The following TULP3 variants were observed in gnomAD, a reference collection of about 807,000 sequenced individuals.
TULP3 encodes the protein tubby-related protein 3.
A neutral mutation model predicts 50.7 loss-of-function variants in TULP3; 38 were observed. That is an observed-to-expected ratio of 0.75 (90% CI 0.58 to 0.98). The LOEUF is 0.98. TULP3 is among the 50% of genes least tolerant of loss of function. The probability of loss-of-function intolerance (pLI) is 0.00; values close to 1 mark genes in which losing one functional copy is unlikely to be tolerated. For synonymous variants in TULP3, 183 were observed against 196.6 expected (o/e 0.93, Z 0.58); for missense variants, 550 against 568.0 (o/e 0.97, Z 0.32).
At position 2,940,828 on chromosome 12, in the gene TULP3, C is replaced by A; in HGVS notation, c.*1384C>A. The A allele has an allele frequency of 9.5e-7, 1 of 1,051,230 alleles. No homozygotes were observed. Among genetic ancestry groups the A allele is most frequent in the Non-Finnish European group, 1.4e-6 (1 of 733,756 alleles). 65.1% of individuals were successfully genotyped at this position (1,051,230 alleles called of 1,614,324 possible). A position where few individuals can be genotyped will look rare whatever the true frequency, so the allele number is the denominator to read the frequency against. On this transcript the variant is annotated 3_prime_UTR_variant, in exon 11 of 11. Coordinates refer to ENST00000448120, the MANE Select transcript of TULP3 (RefSeq NM_003324.5). ...ACTGTTTCCATCTCAGGCATGTATC[C>A]CACCAAGTGCCTCCCTCACAGCCAT...
intron 2 of TULP3, among the ~76,000 whole-genome samples, chr12:2,915,862 G>A (rs2098188347): frequency 6.6e-6 from 1 of 151,780 alleles, no homozygotes; most frequent in South Asian, 2.1e-4. Context: ...TAAACAAACT[G>A]ATAGACTGCA....
chr12:2,937,228 T>A, intron 8 of TULP3, among the ~76,000 whole-genome samples: 1 of 127,238 alleles, frequency 7.9e-6, no homozygotes, highest in African/African-American at 3.3e-5. Flanking sequence ...TTTTTTTTTT[T>A]TTTCTGAGGC....
At chr12:2,926,445 A>G (rs921145756) in intron 4 of TULP3, among the ~76,000 whole-genome samples, 2 of 152,244 alleles carry the variant, frequency 1.3e-5, no homozygotes, top group Non-Finnish European at 2.9e-5. Flanking sequence ...TGATTTGGCC[A>G]CTGCACTCCC....
At chr12:2,929,054 C>CT (rs34681559) in intron 4 of TULP3, among the ~76,000 whole-genome samples, 65 of 148,600 alleles carry the variant, frequency 4.4e-4, no homozygotes, top group Admixed American at 6.0e-4. Flanking sequence ...AAAAAGTACA[C>CT]TTTTTTTTTT....
At chr12:2,917,340 G>A (rs751257200) in intron 2 of TULP3, among the ~76,000 whole-genome samples, 1 of 151,954 alleles carries the variant, frequency 6.6e-6, no homozygotes, top group Non-Finnish European at 1.5e-5. Flanking sequence ...GGCATGGTGG[G>A]GTGCACCTGT....
At chr12:2,899,710 A>C (rs562634695) in intron 1 of TULP3, among the ~76,000 whole-genome samples, 2 of 151,834 alleles carry the variant, frequency 1.3e-5, no homozygotes, top group African/African-American at 4.8e-5. Flanking sequence ...TGGCTAACAC[A>C]GTGAAACCCT....
At chr12:2,913,201 T>TTGTGTGTGTGTGTGTGTGTG (rs138018559) in intron 2 of TULP3, among the ~76,000 whole-genome samples, 1 of 146,486 alleles carries the variant, frequency 6.8e-6, no homozygotes, top group African/African-American at 2.5e-5. Flanking sequence ...TATGTTGAGT[T>TTGTGTGTGTGTGTGTGTGTG]TGTGTGTGTG....
chr12:2,914,125 C>CTTTTT lies in TULP3; in HGVS notation c.93+4557_93+4561dup, dbSNP rs71057862. Among the ~76,000 whole-genome samples, 170 of 130,656 alleles carry CTTTTT rather than the reference C, an allele frequency of 1.3e-3. 4 individuals are homozygous for CTTTTT. Among genetic ancestry groups the CTTTTT allele is most frequent in the African/African-American group, 4.4e-3 (149 of 34,016 alleles). 85.7% of individuals were successfully genotyped at this position (130,656 alleles called of 152,430 possible). ...ATTTTGAAATATACAATAAATAATT[C>CTTTTT]TTTTTTTTTTTTTTTTGAGACGGAG... On this transcript the variant is annotated intron_variant, in intron 2 of 10. Coordinates refer to ENST00000448120, the MANE Select transcript of TULP3 (RefSeq NM_003324.5).
intron 2 of TULP3, 136 bp from the exon 3 acceptor site, chr12:2,920,627 T>C: frequency 9.4e-7 from 1 of 1,064,952 alleles, no homozygotes. Context: ...GCCTCAGTTT[T>C]CCCATTTCTT....
intron 2 of TULP3, among the ~76,000 whole-genome samples, chr12:2,910,633 TGGATTCAATA>T (rs998420478): frequency 2.6e-5 from 4 of 152,214 alleles, no homozygotes; most frequent in African/African-American, 9.6e-5. Context: ...TCAAGATGTC[TGGATTCAATA>T]GGTGACTAAA....
intron 7 of TULP3, among the ~76,000 whole-genome samples, chr12:2,933,857 C>T (rs2098199629): frequency 1.3e-5 from 2 of 151,808 alleles, no homozygotes; most frequent in East Asian, 1.9e-4. Flanking sequence ...GGCTGAAGCA[C>T]GAGAATTGCT....
In TULP3 at chr12:2,940,513, C is replaced by A. The variant is rs1301917339; in HGVS notation, c.*1069C>A. The A allele has an allele frequency of 1.9e-6, 3 of 1,538,952 alleles. No individual in the cohort carries two copies. The highest frequency in any genetic ancestry group is 2.6e-6 in the Non-Finnish European group (3 of 1,140,378). On this transcript the variant is annotated 3_prime_UTR_variant, in exon 11 of 11. Transcript: ENST00000448120. ...TCCACGTATTATGTGACTCTTACACCAGTTCACCCTTCCCAGAATGTATCC... is the reference window on the plus strand; with the variant it reads ...TCCACGTATTATGTGACTCTTACACAAGTTCACCCTTCCCAGAATGTATCC...
intron 2 of TULP3, among the ~76,000 whole-genome samples, chr12:2,920,012 A>G (rs1352487871): frequency 1.3e-5 from 2 of 151,228 alleles, no homozygotes; most frequent in African/African-American, 4.9e-5. Flanking sequence ...TTTTTCTTCC[A>G]TTTACAAAAG....
In TULP3 at chr12:2,905,160, T is replaced by C. The variant is rs1048382680; in HGVS notation, c.42-4369T>C. On this transcript the variant is annotated intron_variant, in intron 1 of 10. Transcript: ENST00000448120. ...TTCCAGATTAGACTAGAAATTTTAG[T>C]TCAGATTGAATATGTCTATAAAATA... Among the ~76,000 whole-genome samples, 24 of 151,248 alleles carry C rather than the reference T, an allele frequency of 1.6e-4. 1 individual carries two copies. Among genetic ancestry groups the C allele is most frequent in the Admixed American group, 1.3e-3 (19 of 15,090 alleles).
intron 4 of TULP3, among the ~76,000 whole-genome samples, 199 bp from the exon 5 acceptor site, chr12:2,930,049 C>T (rs1473984577): frequency 6.6e-6 from 1 of 152,176 alleles, no homozygotes; most frequent in Non-Finnish European, 1.5e-5. Flanking sequence ...CTCATTCTCC[C>T]CTGCCCCCAG....
At position 2,930,351 on chromosome 12, in the gene TULP3, T is replaced by C; in HGVS notation, c.492+6T>C. Reference sequence around the variant, plus strand: ...CATCAAGCCAGAATTCAACCGTATGTAGTTCTGAAACTTCTTCCATTAGAG... The same window carrying C: ...CATCAAGCCAGAATTCAACCGTATGCAGTTCTGAAACTTCTTCCATTAGAG... On this transcript the variant is annotated splice_donor_region_variant and intron_variant, in intron 5 of 10. Transcript: ENST00000448120. 1 of 1,598,360 alleles carries C rather than the reference T, an allele frequency of 6.3e-7. No homozygotes were observed. The highest frequency in any genetic ancestry group is 1.1e-5 in the South Asian group (1 of 89,410).
At chr12:2,916,804 C>G (rs2098188933) in intron 2 of TULP3, among the ~76,000 whole-genome samples, 1 of 152,182 alleles carries the variant, frequency 6.6e-6, no homozygotes, top group Admixed American at 6.5e-5. Flanking sequence ...TGGTATTTTT[C>G]TTATTTGTAA....
At chr12:2,894,538 AACACAC>A (rs56834874) in intron 1 of TULP3, among the ~76,000 whole-genome samples, 191 of 147,762 alleles carry the variant, frequency 1.3e-3, no homozygotes, top group Middle Eastern at 3.4e-3. Flanking sequence ...CCGTCTCAAA[AACACAC>A]ACACACACAC....
At position 2,933,016 on chromosome 12, in the gene TULP3, C is replaced by G. The variant is rs553479189; in HGVS notation, c.697-402C>G. On this transcript the variant is annotated intron_variant, in intron 6 of 10. Coordinates refer to ENST00000448120, the MANE Select transcript of TULP3 (RefSeq NM_003324.5). ...GGAGTGCAATGGCATGATCTCGGCT[C>G]ACTGCAAGCTCCGCCTCCTGGGTTC... 9.2e-5 allele frequency among the ~76,000 whole-genome samples: 14 copies of G among 151,956 alleles called. No individual in the cohort carries two copies. The South Asian group carries it at 2.9e-3, about 32-fold the overall frequency.
Sources: gnomAD v4.1 joint callset for allele counts (sites outside exome capture counted in the v4.1 genomes callset) on GRCh38, gnomAD v4.1.1 for gene constraint, MANE v1.5 for transcripts, NCBI Gene and HGNC (gene_info 2026-07-23, HGNC 2026-07-21) for gene names.